RELCH: variants seen among roughly 807,000 people sequenced by gnomAD.
The protein encoded by RELCH is RAB11 binding and LisH domain, coiled-coil and HEAT repeat containing.
Under a neutral mutation model 150.3 loss-of-function variants are expected in RELCH, and 41 were observed. The ratio of observed to expected loss-of-function variants is 0.27; its 90% CI spans 0.21 to 0.35. The LOEUF is 0.35. RELCH is among the 10% of genes least tolerant of loss of function. The probability of loss-of-function intolerance (pLI) is 1.00; values close to 1 mark genes in which losing one functional copy is unlikely to be tolerated. For missense variants in RELCH, 1,092 were observed against 1,467.8 expected, an observed-to-expected ratio of 0.74 and a Z score of 4.18; for synonymous variants, 478 against 531.8, an observed-to-expected ratio of 0.90 and a Z score of 1.39.
chr18:62,246,562 A>C (rs1018162261), intron 11 of RELCH: 2 of 152,264 alleles, frequency 1.3e-5, no homozygotes, highest in African/African-American at 4.8e-5. Context: ...AAACACAGTT[A>C]ACAGTCAGCC....
At chr18:62,188,688 A>G (rs2038357470) in intron 1 of RELCH, among the ~76,000 whole-genome samples, 1 of 152,172 alleles carries the variant, frequency 6.6e-6, no homozygotes, top group Non-Finnish European at 1.5e-5. Flanking sequence ...TCACCATCCC[A>G]CCACCTTGCA....
rs1196398048 is a variant in RELCH at position 62,268,911 on chromosome 18, C to A, written c.2723C>A (p.Pro908His). 1 of 1,550,818 alleles carries A rather than the reference C, an allele frequency of 6.4e-7. No individual in the cohort carries two copies. ...GNGVLTKATV[P>H]IYATGVLTCY... ...GGGGTCCTCACTAAAGCTACAGTCC[C>A]CATTTATGCAACAGGAGTCCTTACG... Residue 908 changes from proline to histidine, a missense_variant, in exon 20 of 29, where the codon CCC (proline) becomes CAC (histidine). Physicochemically the swap from Pro to His is moderately conservative, Grantham distance 77. Transcript: ENST00000644646.
chr18:62,248,255 G>A (rs1348352806), intron 11 of RELCH, among the ~76,000 whole-genome samples: 1 of 152,020 alleles, frequency 6.6e-6, no homozygotes, highest in Non-Finnish European at 1.5e-5. Context: ...TCCTTATAAA[G>A]GCATTGTGAT....
chr18:62,275,489 C>CAA lies in RELCH; in HGVS notation c.2967+16_2967+17insAA, dbSNP rs773667626. Reference sequence around the variant, plus strand: ...AATGTTTGAGGTATGTCAACACATGCCTCTGTTGGTTTCAATTATAATGAT... The same window carrying CAA: ...AATGTTTGAGGTATGTCAACACATGCAACTCTGTTGGTTTCAATTATAATGAT... On this transcript the variant is annotated intron_variant, in intron 22 of 28. Transcript: ENST00000644646. The CAA allele has an allele frequency of 1.6e-5, 24 of 1,495,516 alleles. No homozygotes were observed. The African/African-American group carries it at 2.9e-4, about 18-fold the overall frequency. The allele number at this position is 1,495,516 out of a possible 1,614,324, so 92.6% of individuals were successfully genotyped here. A position where few individuals can be genotyped will look rare whatever the true frequency, so the allele number is the denominator to read the frequency against.
chr18:62,270,173 T>C (rs1208208397), intron 20 of RELCH, among the ~76,000 whole-genome samples: 1 of 152,176 alleles, frequency 6.6e-6, no homozygotes, highest in Non-Finnish European at 1.5e-5. Flanking sequence ...GCCAGACTTA[T>C]CACATAGTGG....
chr18:62,297,612 C>A (rs1389525891), intron 27 of RELCH, among the ~76,000 whole-genome samples: 1 of 152,180 alleles, frequency 6.6e-6, no homozygotes, highest in Non-Finnish European at 1.5e-5. Context: ...GAGTTTCCCA[C>A]ATGATGCATG....
chr18:62,285,846 C>T (rs1347856896), intron 25 of RELCH: 1 of 152,148 alleles, frequency 6.6e-6, no homozygotes, highest in Admixed American at 6.6e-5. Flanking sequence ...TGCTTTTAAC[C>T]ATCTGTCTAC....
intron 27 of RELCH, among the ~76,000 whole-genome samples, chr18:62,291,960 A>G (rs1279320025): frequency 2.0e-5 from 3 of 152,112 alleles, no homozygotes; most frequent in Non-Finnish European, 2.9e-5. Context: ...TCTATTTTCC[A>G]TCTTCATTTC....
chr18:62,252,556 A>G (rs2042773820), intron 11 of RELCH, 108 bp from the exon 12 acceptor site: 1 of 749,668 alleles, frequency 1.3e-6, no homozygotes, highest in African/African-American at 1.8e-5. Context: ...TTGATTGTAT[A>G]AAAATCTTGT....
intron 11 of RELCH, among the ~76,000 whole-genome samples, chr18:62,250,880 G>A (rs1353445532): frequency 6.6e-6 from 1 of 152,154 alleles, no homozygotes; most frequent in Non-Finnish European, 1.5e-5. Flanking sequence ...AATTACATAA[G>A]CATTCTATTT....
rs2042311761 is a variant in RELCH, at chr18:62,244,647, C to T, written c.1621-117C>T. ...CAACCTTACAAAATTAAAATTTACCCTTTTGTTTACTGAGGTTTATTTCAC... is the reference window on the plus strand; with the variant it reads ...CAACCTTACAAAATTAAAATTTACCTTTTTGTTTACTGAGGTTTATTTCAC... On this transcript the variant is annotated intron_variant, in intron 10 of 28. Transcript: ENST00000644646. The T allele has an allele frequency of 4.8e-6, 3 of 621,986 alleles. No individual in the cohort carries two copies. In the East Asian group the frequency reaches 8.8e-5, roughly 18 times the overall value. The allele number at this position is 621,986 out of a possible 1,614,324, so 38.5% of individuals were successfully genotyped here. A position where few individuals can be genotyped will look rare whatever the true frequency, so the allele number is the denominator to read the frequency against.
At chr18:62,302,424 G>GAC (rs1341358119) in intron 28 of RELCH, among the ~76,000 whole-genome samples, 1 of 152,174 alleles carries the variant, frequency 6.6e-6, no homozygotes, top group Non-Finnish European at 1.5e-5. Flanking sequence ...CATGGAATTA[G>GAC]ACACCAACAT....
intron 11 of RELCH, among the ~76,000 whole-genome samples, chr18:62,251,146 C>A (rs1311512146): frequency 2.0e-5 from 3 of 152,106 alleles, no homozygotes; most frequent in Non-Finnish European, 2.9e-5. Flanking sequence ...TGTTTTGTAA[C>A]AAAGTACCCC....
intron 1 of RELCH, among the ~76,000 whole-genome samples, chr18:62,190,942 G>T (rs1413834573): frequency 6.6e-6 from 1 of 152,168 alleles, no homozygotes; most frequent in Non-Finnish European, 1.5e-5. Context: ...GATAAGTTTT[G>T]CCTGTTCTAA....
intron 10 of RELCH, among the ~76,000 whole-genome samples, chr18:62,235,802 A>G (rs1473756541): frequency 6.6e-6 from 1 of 151,920 alleles, no homozygotes. Context: ...GTTGATCTTA[A>G]ATCTTGCAAC....
chr18:62,216,322 TTGGAAA>T (rs1210082333), intron 2 of RELCH, among the ~76,000 whole-genome samples: 1 of 152,094 alleles, frequency 6.6e-6, no homozygotes, highest in Non-Finnish European at 1.5e-5. Flanking sequence ...GTTCAGTACG[TTGGAAA>T]TGGTAATAGA....
At chr18:62,222,607 G>A (rs966990251) in intron 5 of RELCH, among the ~76,000 whole-genome samples, 10 of 151,816 alleles carry the variant, frequency 6.6e-5, no homozygotes, top group South Asian at 2.1e-4. Flanking sequence ...AGTCCTTCTC[G>A]AATAAAAATC....
In RELCH at chr18:62,305,681, T is replaced by C. The variant is rs995391094; in HGVS notation, c.*147T>C. The C allele has an allele frequency of 4.0e-6, 3 of 749,530 alleles. No homozygotes were observed. In the African/African-American group the frequency reaches 5.5e-5, roughly 14 times the overall value. 46.4% of individuals were successfully genotyped at this position (749,530 alleles called of 1,614,324 possible). A position where few individuals can be genotyped will look rare whatever the true frequency, so the allele number is the denominator to read the frequency against. Reference sequence around the variant, plus strand: ...TAACCTCCAAAGATATTTGCACTGCTTTTAATTACTGCTGTATATTTGTTG... The same window carrying C: ...TAACCTCCAAAGATATTTGCACTGCCTTTAATTACTGCTGTATATTTGTTG... On this transcript the variant is annotated 3_prime_UTR_variant, in exon 29 of 29. Coordinates refer to ENST00000644646, the MANE Select transcript of RELCH (RefSeq NM_001346231.2). This position sits in a 1 kb window ranked among gnomAD's most constrained non-coding sequence, Gnocchi z 4.0.
At chr18:62,207,740 C>T (rs977250796) in intron 1 of RELCH, among the ~76,000 whole-genome samples, 16 of 152,182 alleles carry the variant, frequency 1.1e-4, no homozygotes, top group African/African-American at 3.9e-4. Flanking sequence ...TGTGCATTTA[C>T]AAAATTGTAC....
Sources: gnomAD v4.1 joint callset for allele counts (sites outside exome capture counted in the v4.1 genomes callset) on GRCh38, gnomAD v4.1.1 for gene constraint, Gnocchi (gnomAD v3.1) non-coding constraint, MANE v1.5 for transcripts, NCBI Gene and HGNC (gene_info 2026-07-23, HGNC 2026-07-21) for gene names.